Variants in CLIP2 observed in about 807,000 individuals in gnomAD.
The protein encoded by CLIP2 is CAP-Gly domain-containing linker protein 2.
A neutral mutation model predicts 111.7 loss-of-function variants in CLIP2; 41 were observed. The observed-to-expected ratio is 0.37, with a 90% CI of 0.29 to 0.48. CLIP2 has a LOEUF of 0.48. Among genes scored for constraint, CLIP2 ranks in the 20% least tolerant of loss-of-function variants. CLIP2 has a pLI of 0.99. For synonymous variants in CLIP2, 660 were observed against 644.2 expected, an observed-to-expected ratio of 1.02 and a Z score of -0.37; for missense variants, 1,160 against 1,422.1, an observed-to-expected ratio of 0.82 and a Z score of 2.96.
chr7:74,320,195 C>CAAAAAA (rs34079690), intron 2 of CLIP2, among the ~76,000 whole-genome samples: 2 of 99,250 alleles, frequency 2.0e-5, no homozygotes, highest in Admixed American at 2.2e-4. Context: ...GATTCCATCT[C>CAAAAAA]AAAAAAAAAA....
intron 13 of CLIP2, among the ~76,000 whole-genome samples, chr7:74,389,588 T>TAAAA (rs149173666): frequency 1.9e-5 from 2 of 104,658 alleles, no homozygotes; most frequent in African/African-American, 7.4e-5. Flanking sequence ...CCCCTATCTC[T>TAAAA]AAAAAAAAAA....
chr7:74,319,175 T>G (rs1210777664), intron 2 of CLIP2, among the ~76,000 whole-genome samples: 1 of 151,826 alleles, frequency 6.6e-6, no homozygotes, highest in Non-Finnish European at 1.5e-5. Context: ...GTGGAGGGAA[T>G]GGGTGATGCA....
In CLIP2 at chr7:74,291,657, G is replaced by A. The variant is rs554861210; in HGVS notation, c.-68+1923G>A. On this transcript the variant is annotated intron_variant, in intron 1 of 16. Coordinates refer to ENST00000223398, the MANE Select transcript of CLIP2 (RefSeq NM_003388.5). Reference sequence around the variant, plus strand: ...TGGCTTCCTGGCCCCACTCACACACGTTTCAGGGAGAGGAGGCTCGTGCCC... The same window carrying A: ...TGGCTTCCTGGCCCCACTCACACACATTTCAGGGAGAGGAGGCTCGTGCCC... Among the ~76,000 whole-genome samples the A allele has an allele frequency of 4.6e-5, 7 of 152,286 alleles. No homozygotes were observed. In the South Asian group the frequency reaches 8.3e-4, roughly 18 times the overall value.
intron 1 of CLIP2, among the ~76,000 whole-genome samples, chr7:74,303,911 CA>C (rs34205594): frequency 1.1e-3 from 140 of 124,714 alleles, no homozygotes; most frequent in Middle Eastern, 4.2e-3. Flanking sequence ...GACTCGGTCT[CA>C]AAAAAAAAAA....
chr7:74,366,597 G>T (rs1406203700), intron 8 of CLIP2, among the ~76,000 whole-genome samples: 1 of 152,220 alleles, frequency 6.6e-6, no homozygotes, highest in African/African-American at 2.4e-5. Context: ...TAAAATAAAG[G>T]CTGGGCGTGG....
At chr7:74,290,400 C>T (rs990516315) in intron 1 of CLIP2, among the ~76,000 whole-genome samples, 1 of 152,172 alleles carries the variant, frequency 6.6e-6, no homozygotes, top group African/African-American at 2.4e-5. Flanking sequence ...CTGCCCTCCT[C>T]CCGGGGAGGG....
intron 2 of CLIP2, among the ~76,000 whole-genome samples, chr7:74,318,356 A>G (rs1390758750): frequency 6.6e-6 from 1 of 152,062 alleles, no homozygotes; most frequent in Non-Finnish European, 1.5e-5. Flanking sequence ...GGAGGGTTTA[A>G]ACCAAGATGA....
intron 1 of CLIP2, among the ~76,000 whole-genome samples, chr7:74,311,167 G>C (rs1411440770): frequency 1.3e-5 from 2 of 151,986 alleles, no homozygotes; most frequent in African/African-American, 4.8e-5. Context: ...TTTTAGTAGA[G>C]ATGGGGTTTC....
At chr7:74,381,364 T>G (rs370519809) in intron 11 of CLIP2, among the ~76,000 whole-genome samples, 1 of 152,070 alleles carries the variant, frequency 6.6e-6, no homozygotes, top group Non-Finnish European at 1.5e-5. Context: ...AATTTTTGTA[T>G]TTTTAGTAGA....
At chr7:74,385,970 G>A (rs150117530) in intron 11 of CLIP2, among the ~76,000 whole-genome samples, 6,015 of 151,176 alleles carry the variant, frequency 0.04, 129 homozygotes, top group Non-Finnish European at 0.053. Flanking sequence ...TCGAACTCCC[G>A]ACCTCAGGTG....
chr7:74,351,993 G>T (rs1790017605), intron 3 of CLIP2, among the ~76,000 whole-genome samples: 1 of 152,206 alleles, frequency 6.6e-6, no homozygotes, highest in African/African-American at 2.4e-5. Flanking sequence ...GCACTCCAGA[G>T]AGGCCAGCAG....
intron 3 of CLIP2, among the ~76,000 whole-genome samples, chr7:74,342,948 T>C (rs1271434230): frequency 6.7e-6 from 1 of 150,102 alleles, no homozygotes; most frequent in African/African-American, 2.5e-5. Flanking sequence ...GGCAGGAGAA[T>C]GGCGTGAACC....
chr7:74,344,682 C>T (rs1245220501), intron 3 of CLIP2, among the ~76,000 whole-genome samples: 1 of 152,094 alleles, frequency 6.6e-6, no homozygotes, highest in African/African-American at 2.4e-5. Flanking sequence ...GGATTACAGG[C>T]ATGAGCCACT....
At chr7:74,346,156 T>A (rs2116578319) in intron 3 of CLIP2, among the ~76,000 whole-genome samples, 2 of 152,166 alleles carry the variant, frequency 1.3e-5, no homozygotes, top group South Asian at 4.1e-4. Flanking sequence ...TTTCTTAATT[T>A]TTTTTTGTAG....
At chr7:74,302,597 C>A (rs561612088) in intron 1 of CLIP2, among the ~76,000 whole-genome samples, 1 of 152,222 alleles carries the variant, frequency 6.6e-6, no homozygotes, top group Non-Finnish European at 1.5e-5. Flanking sequence ...CCTTGCTTGT[C>A]TCCCAGCTGC....
Position 74,356,587 on chromosome 7 carries a change from C to A in CLIP2, c.981C>A (p.Ala327=). 2 of 1,614,132 alleles carry A rather than the reference C, an allele frequency of 1.2e-6. No individual in the cohort carries two copies. The highest frequency in any genetic ancestry group is 1.7e-6 in the Non-Finnish European group (2 of 1,180,014). Residue 327 remains alanine (A), a synonymous_variant, in exon 5 of 17, where the codon GCC becomes GCA. Transcript: ENST00000223398. ...SSSISSVSSV[A]SSVGGRPSRS... ...CCATCAGCTCCGTCAGCTCTGTGGCCTCCTCCGTGGGGGGTCGGCCCAGCC... is the reference window on the plus strand; with the variant it reads ...CCATCAGCTCCGTCAGCTCTGTGGCATCCTCCGTGGGGGGTCGGCCCAGCC...
Position 74,376,036 on chromosome 7 carries a change from A to T in CLIP2, c.1635A>T (p.Leu545=), listed in dbSNP as rs964322131. 80 of 1,612,898 alleles carry T rather than the reference A, an allele frequency of 5.0e-5. No individual in the cohort carries two copies. Among genetic ancestry groups the T allele is most frequent in the Non-Finnish European group, 6.8e-5 (80 of 1,179,924 alleles). ...DHPDAAEILR[L]RERLLSASKE... is the part of the protein sequence containing the mutation. ...CAGACGCCGCCGAGATCCTGCGGCTACGGGAGCGGCTGCTCTCGGCCAGCA... is the reference window on the plus strand; with the variant it reads ...CAGACGCCGCCGAGATCCTGCGGCTTCGGGAGCGGCTGCTCTCGGCCAGCA... Residue 545 remains leucine (L), a synonymous_variant, in exon 10 of 17, where the codon CTA becomes CTT. Transcript: ENST00000223398. The surrounding 1 kb of genome is among the most constrained non-coding windows in gnomAD (Gnocchi z 7.1).
chr7:74,375,225 G>A (rs891684416), intron 9 of CLIP2, among the ~76,000 whole-genome samples: 5 of 151,446 alleles, frequency 3.3e-5, no homozygotes, highest in Admixed American at 2.6e-4. Flanking sequence ...ACTCCAGCCT[G>A]GGCAACATAG....
At chr7:74,293,279 C>T (rs1289948844) in intron 1 of CLIP2, among the ~76,000 whole-genome samples, 1 of 152,142 alleles carries the variant, frequency 6.6e-6, no homozygotes, top group African/African-American at 2.4e-5. Context: ...CCCCGGGACC[C>T]CGGAAGCTGG....
Sources: allele counts gnomAD v4.1 joint callset (sites outside exome capture counted in the v4.1 genomes callset), GRCh38; gene constraint gnomAD v4.1.1; non-coding constraint Gnocchi (gnomAD v3.1); transcripts MANE v1.5; gene names NCBI Gene and HGNC (gene_info 2026-07-23, HGNC 2026-07-21).